GRIK2: variants seen among roughly 807,000 people sequenced by gnomAD.
The protein encoded by GRIK2 is glutamate ionotropic receptor kainate type subunit 2.
GRIK2 carries 32 observed loss-of-function variants against 100.3 expected under a neutral mutation model. The observed-to-expected ratio is 0.32, with a 90% confidence interval of 0.24 to 0.43. The LOEUF (loss-of-function observed/expected upper bound fraction) is 0.43. Ranked by LOEUF, GRIK2 falls within the 20% of genes least tolerant of loss-of-function variation. The pLI, the probability that GRIK2 is intolerant of heterozygous loss-of-function variation, is 1.00. For synonymous variants in GRIK2, 417 were observed against 389.4 expected, an observed-to-expected ratio of 1.07 and a Z score of -0.83; for missense variants, 843 against 1,114.9, an observed-to-expected ratio of 0.76 and a Z score of 3.47.
intron 10 of GRIK2, among the ~76,000 whole-genome samples, chr6:101,856,855 G>A (rs1784450770): frequency 6.6e-6 from 1 of 152,148 alleles, no homozygotes; most frequent in Non-Finnish European, 1.5e-5. Flanking sequence ...ATTTGGTAAT[G>A]AGTAAATAAA....
intron 10 of GRIK2, among the ~76,000 whole-genome samples, chr6:101,827,070 G>T (rs536587798): frequency 6.8e-6 from 1 of 146,604 alleles, no homozygotes; most frequent in Admixed American, 6.8e-5. Flanking sequence ...TATAGTTACA[G>T]GATAAAAACA....
rs192127332 is a variant in GRIK2, at chr6:101,449,900, G to A, written c.115+50508G>A. Among the ~76,000 whole-genome samples, 166 of 151,792 alleles carry A rather than the reference G, an allele frequency of 1.1e-3. 1 individual carries two copies. The highest frequency in any genetic ancestry group is 3.8e-3 in the African/African-American group (156 of 41,502). ...GGAGTGTAGAGACGATTAATTCAAA[G>A]ATAAAGCATTGGGAAAAAGCTGGAA... On this transcript the variant is annotated intron_variant, in intron 2 of 16. Coordinates refer to ENST00000369134, the MANE Select transcript of GRIK2 (RefSeq NM_021956.5).
At chr6:101,485,593 C>G (rs1295866632) in intron 2 of GRIK2, among the ~76,000 whole-genome samples, 1 of 152,056 alleles carries the variant, frequency 6.6e-6, no homozygotes, top group Non-Finnish European at 1.5e-5. Flanking sequence ...AAAAGTAACT[C>G]TTACAGAATT....
chr6:101,529,351 C>T (rs1775308213), intron 2 of GRIK2, among the ~76,000 whole-genome samples: 2 of 152,004 alleles, frequency 1.3e-5, no homozygotes, highest in South Asian at 2.1e-4. Context: ...TTATAGTCTC[C>T]AAGGCTCACC....
intron 14 of GRIK2, among the ~76,000 whole-genome samples, chr6:101,984,655 A>ACACACACACACACC (rs369665252): frequency 4.6e-4 from 68 of 148,746 alleles, no homozygotes; most frequent in African/African-American, 1.2e-3. Flanking sequence ...ACACACACAC[A>ACACACACACACACC]CCCTTCAACT....
intron 9 of GRIK2, among the ~76,000 whole-genome samples, chr6:101,803,127 AATCTTATTAG>A (rs1780775707): frequency 6.6e-6 from 1 of 151,846 alleles, no homozygotes; most frequent in Non-Finnish European, 1.5e-5. Flanking sequence ...GATGTTATTA[AATCTTATTAG>A]ATCTTATTAA....
At chr6:101,614,193 G>A (rs1488580202) in intron 2 of GRIK2, among the ~76,000 whole-genome samples, 1 of 151,664 alleles carries the variant, frequency 6.6e-6, no homozygotes, top group Non-Finnish European at 1.5e-5. Flanking sequence ...GTAAATATTT[G>A]CAGGTTAATT....
At chr6:101,831,757 G>T (rs1389825417) in intron 10 of GRIK2, among the ~76,000 whole-genome samples, 1 of 151,914 alleles carries the variant, frequency 6.6e-6, no homozygotes, top group Non-Finnish European at 1.5e-5. Context: ...TAGCATTTAC[G>T]GGAGTATGAG....
chr6:101,555,081 G>A, intron 2 of GRIK2, among the ~76,000 whole-genome samples: 1 of 152,158 alleles, frequency 6.6e-6, no homozygotes, highest in East Asian at 1.9e-4. Flanking sequence ...AAGGAAATAT[G>A]CTGTTCAGAC....
At chr6:101,520,973 C>A (rs1774854341) in intron 2 of GRIK2, among the ~76,000 whole-genome samples, 2 of 151,798 alleles carry the variant, frequency 1.3e-5, no homozygotes, top group Admixed American at 1.3e-4. Context: ...AGTTGAATAT[C>A]CAGGTTAAAA....
intron 2 of GRIK2, among the ~76,000 whole-genome samples, chr6:101,444,504 G>C (rs577728182): frequency 2.0e-5 from 3 of 152,076 alleles, no homozygotes; most frequent in African/African-American, 7.2e-5. Context: ...TTTTATAATA[G>C]CCTTTGGTGG....
Position 101,622,137 on chromosome 6 carries a change from AT to A in GRIK2, c.283+22del, listed in dbSNP as rs771746724. 7 of 1,447,582 alleles carry A rather than the reference AT, an allele frequency of 4.8e-6. 1 individual carries two copies. The highest frequency in any genetic ancestry group is 5.7e-6 in the Non-Finnish European group (6 of 1,047,878). 89.7% of individuals were successfully genotyped at this position (1,447,582 alleles called of 1,614,324 possible). On this transcript the variant is annotated intron_variant, in intron 3 of 16. Coordinates refer to ENST00000369134, the MANE Select transcript of GRIK2 (RefSeq NM_021956.5). ...GAAAGGTAATTGATAGATTTTTAACATCTTTGTTTCCTGGAATTCAAATTTC... is the reference window on the plus strand; with the variant it reads ...GAAAGGTAATTGATAGATTTTTAACACTTTGTTTCCTGGAATTCAAATTTC...
intron 2 of GRIK2, among the ~76,000 whole-genome samples, chr6:101,480,421 C>G (rs1001960057): frequency 1.3e-5 from 2 of 151,998 alleles, no homozygotes; most frequent in South Asian, 4.2e-4. Context: ...TTTTTCCTCT[C>G]TTAGCATCCT....
At chr6:101,927,232 A>G (rs1475346585) in intron 13 of GRIK2, 1 of 192,362 alleles carries the variant, frequency 5.2e-6, no homozygotes, top group East Asian at 1.9e-4. Context: ...TGCAGTCATA[A>G]TACCACTTAT....
At chr6:101,900,998 T>C (rs549761790) in intron 12 of GRIK2, among the ~76,000 whole-genome samples, 15 of 152,062 alleles carry the variant, frequency 9.9e-5, no homozygotes, top group Admixed American at 3.9e-4. Flanking sequence ...CTGCCTGAAG[T>C]CTGTTAATTC....
intron 2 of GRIK2, 79 bp downstream of exon 2, chr6:101,399,471 G>C: frequency 1.3e-6 from 1 of 778,396 alleles, no homozygotes; most frequent in Non-Finnish European, 2.4e-6. Flanking sequence ...CGCTCTGCCT[G>C]GCGGTGGGCT....
intron 14 of GRIK2, among the ~76,000 whole-genome samples, chr6:101,941,086 T>C (rs1160378974): frequency 6.6e-6 from 1 of 152,138 alleles, no homozygotes; most frequent in Non-Finnish European, 1.5e-5. Flanking sequence ...TACTGTAACA[T>C]TGTAATGTGT....
At chr6:101,830,594 A>G (rs531761335) in intron 10 of GRIK2, among the ~76,000 whole-genome samples, 2 of 152,222 alleles carry the variant, frequency 1.3e-5, no homozygotes, top group African/African-American at 4.8e-5. Context: ...CAAGAAGCCA[A>G]CAAGCATATG....
chr6:101,428,734 A>G (rs1315041059), intron 2 of GRIK2, among the ~76,000 whole-genome samples: 1 of 152,164 alleles, frequency 6.6e-6, no homozygotes, highest in Non-Finnish European at 1.5e-5. Flanking sequence ...AAAGCAAAGG[A>G]CATCTTAAGG....
Sources: gnomAD v4.1 joint callset for allele counts (sites outside exome capture counted in the v4.1 genomes callset) on GRCh38, gnomAD v4.1.1 for gene constraint, MANE v1.5 for transcripts, NCBI Gene and HGNC (gene_info 2026-07-23, HGNC 2026-07-21) for gene names.